The following CILP variants were observed in gnomAD, a reference collection of about 807,000 sequenced individuals.
The protein encoded by CILP is cartilage intermediate layer protein.
In CILP, 75 loss-of-function variants were observed where a neutral mutation model predicts 82.5. The observed-to-expected ratio is 0.91, with a 90% confidence interval of 0.75 to 1.10. The LOEUF is 1.10. CILP is among the 50% of genes least tolerant of loss of function. The pLI is 0.00. For missense variants in CILP, 1,479 were observed against 1,530.8 expected, an observed-to-expected ratio of 0.97 and a Z score of 0.56; for synonymous variants, 530 against 580.3, an observed-to-expected ratio of 0.91 and a Z score of 1.25.
At chr15:65,210,017 G>C (rs188717022) in intron 1 of CILP, among the ~76,000 whole-genome samples, 156 bp from the exon 2 acceptor site, 1 of 152,186 alleles carries the variant, frequency 6.6e-6, no homozygotes, top group Non-Finnish European at 1.5e-5. Context: ...CTTGGGAGGT[G>C]CAGAGGCTCA....
chr15:65,203,250 A>T, intron 7 of CILP, 112 bp downstream of exon 7: 2 of 745,374 alleles, frequency 2.7e-6, no homozygotes, highest in Non-Finnish European at 4.6e-6. Context: ...CCACTGTCTT[A>T]CTTGTAACTT....
At position 65,196,725 on chromosome 15, in the gene CILP, C is replaced by A; in HGVS notation, c.*6G>T. The A allele has an allele frequency of 6.6e-7, 1 of 1,521,482 alleles. No individual in the cohort carries two copies. The highest frequency in any genetic ancestry group is 8.8e-7 in the Non-Finnish European group (1 of 1,131,842). 94.2% of individuals were successfully genotyped at this position (1,521,482 alleles called of 1,614,324 possible). A position where few individuals can be genotyped will look rare whatever the true frequency, so the allele number is the denominator to read the frequency against. On this transcript the variant is annotated 3_prime_UTR_variant, in exon 9 of 9. Coordinates refer to ENST00000261883, the MANE Select transcript of CILP (RefSeq NM_003613.4). ...GAGGGCAGAAGAGGGTGAAGTACCA[C>A]AAAACTTAGTTGATCAGGGGCTGTT...
Position 65,196,617 on chromosome 15 carries a change from A to G in CILP, c.*114T>C. ...TAAGTAAAGGCATGAAGAAACAAAC[A>G]AGCAAATTCACGAAAACAGAAGTGC... On this transcript the variant is annotated 3_prime_UTR_variant, in exon 9 of 9. Coordinates refer to ENST00000261883, the MANE Select transcript of CILP (RefSeq NM_003613.4). 1 of 967,696 alleles carries G rather than the reference A, an allele frequency of 1.0e-6. No individual in the cohort carries two copies. Among genetic ancestry groups the G allele is most frequent in the Non-Finnish European group, 1.5e-6 (1 of 671,144 alleles). The allele number at this position is 967,696 out of a possible 1,614,324, so 59.9% of individuals were successfully genotyped here.
Position 65,209,556 on chromosome 15 carries a change from A to G in CILP, c.61+139T>C. 4.3e-6 allele frequency: 3 copies of G among 696,082 alleles called. No individual in the cohort carries two copies. In the Admixed American group the frequency reaches 7.3e-5, roughly 17 times the overall value. 43.1% of individuals were successfully genotyped at this position (696,082 alleles called of 1,614,324 possible). A position where few individuals can be genotyped will look rare whatever the true frequency, so the allele number is the denominator to read the frequency against. On this transcript the variant is annotated intron_variant, in intron 2 of 8. Transcript: ENST00000261883. Reference sequence around the variant, plus strand: ...GAGAAAAACAAACAGGGTATAAATTACGAATAAATCCATAAAGTGGCCTCA... The same window carrying G: ...GAGAAAAACAAACAGGGTATAAATTGCGAATAAATCCATAAAGTGGCCTCA...
chr15:65,206,815 A>G lies in CILP; in HGVS notation c.391T>C (p.Ser131Pro). The change falls in exon 4 of 9, where the codon TCT becomes CCT. Residue 131 changes from serine to proline, a missense_variant. Ser to Pro is a moderately conservative substitution (Grantham distance 74). Transcript: ENST00000261883. ...CAGAGGAAGCGTACGGTGTAATTAG[A>G]GCAGTTCTGGCCAGGCCGCTGCTCC... is the stretch of plus-strand genomic sequence containing the variant. ...NREQRPGQNC[S>P]NYTVRFLCPP... 6.2e-7 allele frequency: 1 copy of G among 1,613,866 alleles called. No homozygotes were observed. The highest frequency in any genetic ancestry group is 1.3e-5 in the African/African-American group (1 of 74,954).
chr15:65,210,181 C>G (rs1442795), intron 1 of CILP, among the ~76,000 whole-genome samples: 1 of 151,792 alleles, frequency 6.6e-6, no homozygotes, highest in African/African-American at 2.4e-5. Context: ...CTTGGTGACT[C>G]GTCACTTCTA....
chr15:65,204,483 C>A lies in CILP; in HGVS notation c.704G>T (p.Gly235Val). The A allele has an allele frequency of 1.2e-6, 2 of 1,613,926 alleles. No homozygotes were observed. Among genetic ancestry groups the A allele is most frequent in the Admixed American group, 1.7e-5 (1 of 59,934 alleles). The change falls in exon 6 of 9, where the codon GGT becomes GTT. Residue 235 changes from glycine to valine, a missense_variant. Physicochemically the swap from Gly to Val is moderately radical, Grantham distance 109 (BLOSUM62 -3). Transcript: ENST00000261883. ...GATAGCAGCCCCTGAGGCTGGGGCA[C>A]CTCCGGGAAGGGAGACAGCCCCATG... ...MLHGAVSLPG[G>V]APASGAAIYL...
chr15:65,207,343 C>G, intron 3 of CILP, among the ~76,000 whole-genome samples: 1 of 152,162 alleles, frequency 6.6e-6, no homozygotes, highest in Admixed American at 6.5e-5. Context: ...GCCACATCAC[C>G]TCCAGCTTTA....
rs748904181 is a variant in CILP, at chr15:65,196,927, A to ACAC, written c.3356_3358dup (p.Cys1119_Val1120insGly). 3.5e-5 allele frequency: 57 copies of ACAC among 1,613,462 alleles called. No individual in the cohort carries two copies. Among genetic ancestry groups the ACAC allele is most frequent in the Middle Eastern group, 3.3e-4 (2 of 6,082 alleles). On this transcript the variant is annotated inframe_insertion, in exon 9 of 9. Coordinates refer to ENST00000261883, the MANE Select transcript of CILP (RefSeq NM_003613.4). ...ACTCTGGCGGCCTACTTGCCTCTCT[A>ACAC]CACAGTTGAAGGTGAGGGCTACTCC... is the stretch of plus-strand genomic sequence containing the variant.
rs2088361308 is a variant in CILP, at chr15:65,196,376, C to T, written c.*355G>A. 1 of 197,860 alleles carries T rather than the reference C, an allele frequency of 5.1e-6. No individual in the cohort carries two copies. The highest frequency in any genetic ancestry group is 1.0e-5 in the Non-Finnish European group (1 of 98,726). The allele number at this position is 197,860 out of a possible 1,614,324, so 12.3% of individuals were successfully genotyped here. A position where few individuals can be genotyped will look rare whatever the true frequency, so the allele number is the denominator to read the frequency against. On this transcript the variant is annotated 3_prime_UTR_variant, in exon 9 of 9. Coordinates refer to ENST00000261883, the MANE Select transcript of CILP (RefSeq NM_003613.4). ...ATATGCTTTATATTGGTTATTTGAT[C>T]TTCAGCATCAGATTATCACTATTGC...
Position 65,198,510 on chromosome 15 carries a change from C to T in CILP, c.1776G>A (p.Val592=), listed in dbSNP as rs745335391. ...METNIIPLGE[V]VGEDPMAELE... ...GTTCAGCCATGGGGTCTTCACCAAC[C>T]ACTTCCCCCAGGGGGATGATGTTGG... The change falls in exon 9 of 9, where the codon GTG becomes GTA. Residue 592 remains valine, a synonymous_variant. Coordinates refer to ENST00000261883, the MANE Select transcript of CILP (RefSeq NM_003613.4). 6.2e-7 allele frequency: 1 copy of T among 1,614,216 alleles called. No homozygotes were observed. The highest frequency in any genetic ancestry group is 8.5e-7 in the Non-Finnish European group (1 of 1,180,032).
At position 65,204,317 on chromosome 15, in the gene CILP, G is replaced by A. The variant is rs2088492592; in HGVS notation, c.870C>T (p.Pro290=). 1.2e-6 allele frequency: 2 copies of A among 1,614,154 alleles called. No individual in the cohort carries two copies. Among genetic ancestry groups the A allele is most frequent in the African/African-American group, 1.3e-5 (1 of 75,050 alleles). ...TGGTGGCTGCCTTCAGGCTAGTCTTGGGCATTGTGAGTACAATGGGGGCAA... is the reference window on the plus strand; with the variant it reads ...TGGTGGCTGCCTTCAGGCTAGTCTTAGGCATTGTGAGTACAATGGGGGCAA... ...VKFAPIVLTM[P]KTSLKAATIK... is the part of the protein sequence containing the mutation. Residue 290 remains proline, a synonymous_variant, in exon 6 of 9, where the codon CCC becomes CCT. Transcript: ENST00000261883.
intron 8 of CILP, among the ~76,000 whole-genome samples, chr15:65,200,324 T>G (rs1047945436): frequency 6.6e-6 from 1 of 152,244 alleles, no homozygotes; most frequent in African/African-American, 2.4e-5. Flanking sequence ...TTGGGACCAC[T>G]GCTGAGGGCT....
Position 65,197,875 on chromosome 15 carries a change from T to A in CILP, c.2411A>T (p.Asn804Ile). The A allele has an allele frequency of 6.2e-7, 1 of 1,613,576 alleles. No individual in the cohort carries two copies. The highest frequency in any genetic ancestry group is 1.1e-5 in the South Asian group (1 of 91,050). ...GRFDSVITGP[N>I]GACVPAFCDD... ...ACAGAAGGCAGGCACACAGGCCCCGTTGGGGCCTGTGATGACACTGTCAAA... is the reference window on the plus strand; with the variant it reads ...ACAGAAGGCAGGCACACAGGCCCCGATGGGGCCTGTGATGACACTGTCAAA... Residue 804 changes from asparagine (N) to isoleucine (I), a missense_variant, in exon 9 of 9, where the codon AAC becomes ATC. By Grantham distance (149) the Asn-to-Ile change is moderately radical (BLOSUM62 -3). Coordinates refer to ENST00000261883, the MANE Select transcript of CILP (RefSeq NM_003613.4).
chr15:65,209,404 T>G (rs1326174511), intron 2 of CILP, among the ~76,000 whole-genome samples: 1 of 152,106 alleles, frequency 6.6e-6, no homozygotes, highest in Non-Finnish European at 1.5e-5. Flanking sequence ...GGAGCTCAAT[T>G]TGGTACTCAA....
intron 6 of CILP, 64 bp downstream of exon 6, chr15:65,204,204 C>T (rs1411325134): frequency 6.7e-6 from 10 of 1,486,136 alleles, no homozygotes; most frequent in African/African-American, 1.4e-5. Flanking sequence ...GCTTTTAGCA[C>T]TATAATCCCT....
intron 7 of CILP, among the ~76,000 whole-genome samples, chr15:65,202,578 C>A (rs771457761): frequency 2.6e-5 from 4 of 152,044 alleles, no homozygotes; most frequent in Non-Finnish European, 4.4e-5. Flanking sequence ...CAGGCATGCA[C>A]CACCACGCCC....
intron 7 of CILP, among the ~76,000 whole-genome samples, chr15:65,202,430 A>ATT (rs111303890): frequency 1.4e-5 from 2 of 144,692 alleles, no homozygotes; most frequent in East Asian, 2.0e-4. Flanking sequence ...CCTTGTTTGC[A>ATT]TTTTTTTTTT....
intron 3 of CILP, 44 bp from the exon 4 acceptor site, chr15:65,207,095 C>A (rs750437679): frequency 8.9e-6 from 14 of 1,579,832 alleles, no homozygotes. Context: ...GATCCTGGTG[C>A]GCTCCAGTTC....
Sources: allele counts gnomAD v4.1 joint callset (sites outside exome capture counted in the v4.1 genomes callset), GRCh38; gene constraint gnomAD v4.1.1; transcripts MANE v1.5; gene names NCBI Gene and HGNC (gene_info 2026-07-23, HGNC 2026-07-21).